UBL3: variants seen among roughly 807,000 people sequenced by gnomAD.
UBL3 encodes ubiquitin-like protein 3.
In UBL3, 6 loss-of-function variants were observed where a neutral mutation model predicts 18.4. The ratio of observed to expected loss-of-function variants is 0.33; its 90% CI spans 0.18 to 0.64. The LOEUF (loss-of-function observed/expected upper bound fraction) is 0.64. Among genes scored for constraint, UBL3 ranks in the 30% least tolerant of loss-of-function variants. The pLI, the probability that UBL3 is intolerant of heterozygous loss-of-function variation, is 0.76. For synonymous variants in UBL3, 49 were observed against 46.6 expected (o/e 1.05, Z -0.21); for missense variants, 109 against 142.9 (o/e 0.76, Z 1.21).
chr13:29,824,173 T>C (rs1237531733), intron 1 of UBL3, among the ~76,000 whole-genome samples: 1 of 152,212 alleles, frequency 6.6e-6, no homozygotes, highest in Non-Finnish European at 1.5e-5. Flanking sequence ...AACATACATG[T>C]GCATGTGTCT....
intron 1 of UBL3, among the ~76,000 whole-genome samples, chr13:29,824,218 T>C (rs1453025475): frequency 4.6e-5 from 7 of 152,236 alleles, no homozygotes; most frequent in Admixed American, 6.5e-5. Flanking sequence ...TTTGGGTATA[T>C]ACCCAGTAAT....
rs116669336 is a variant in UBL3 at position 29,818,201 on chromosome 13, C to T, written c.27+31311G>A. Among the ~76,000 whole-genome samples the T allele has an allele frequency of 4.9e-3, 745 of 152,270 alleles. 9 individuals are homozygous for T. The highest frequency in any genetic ancestry group is 0.017 in the African/African-American group (703 of 41,550). The stretch of plus-strand genomic sequence containing the variant: ...CTAAAAATAAGAAAACAGTCATACT[C>T]TAACATTCACATATACTCACAGGCT... On this transcript the variant is annotated intron_variant, in intron 1 of 4. Transcript: ENST00000380680.
intron 1 of UBL3, among the ~76,000 whole-genome samples, chr13:29,828,229 T>C (rs1878675757): frequency 6.6e-6 from 1 of 152,240 alleles, no homozygotes; most frequent in African/African-American, 2.4e-5. Flanking sequence ...TTGGCCTGCA[T>C]TGCTAGGTTG....
intron 1 of UBL3, among the ~76,000 whole-genome samples, chr13:29,820,791 T>C (rs1878415616): frequency 6.6e-6 from 1 of 152,216 alleles, no homozygotes; most frequent in Non-Finnish European, 1.5e-5. Context: ...TTTGCTATTA[T>C]TTGTTAAATG....
intron 1 of UBL3, among the ~76,000 whole-genome samples, chr13:29,794,390 A>G (rs1877557312): frequency 6.6e-6 from 1 of 152,062 alleles, no homozygotes; most frequent in African/African-American, 2.4e-5. Context: ...ACCTATATGC[A>G]TGTTGACCTT....
intron 1 of UBL3, among the ~76,000 whole-genome samples, chr13:29,798,060 G>A (rs942157644): frequency 4.7e-5 from 7 of 149,944 alleles, no homozygotes; most frequent in Non-Finnish European, 7.4e-5. Flanking sequence ...GTCTTGCTCT[G>A]TTGTGCCCAG....
chr13:29,834,410 T>C (rs1338421616), intron 1 of UBL3, among the ~76,000 whole-genome samples: 2 of 151,986 alleles, frequency 1.3e-5, no homozygotes, highest in African/African-American at 2.4e-5. Flanking sequence ...AGTCTTTCTC[T>C]TTACAGTCAC....
At chr13:29,840,239 C>T (rs1879064360) in intron 1 of UBL3, among the ~76,000 whole-genome samples, 1 of 152,084 alleles carries the variant, frequency 6.6e-6, no homozygotes, top group African/African-American at 2.4e-5. Context: ...TTAAGCTGAA[C>T]TGGAAAATTC....
chr13:29,787,824 AC>A (rs1877363520), intron 1 of UBL3, among the ~76,000 whole-genome samples: 1 of 152,188 alleles, frequency 6.6e-6, no homozygotes, highest in Non-Finnish European at 1.5e-5. Context: ...TGTTTCTGTC[AC>A]CCAAATGCTG....
chr13:29,831,886 T>C (rs1878784889), intron 1 of UBL3, among the ~76,000 whole-genome samples: 1 of 152,034 alleles, frequency 6.6e-6, no homozygotes, highest in South Asian at 2.1e-4. Flanking sequence ...ACCATACAAG[T>C]GCACTGTCCA....
At chr13:29,791,060 T>C (rs918181983) in intron 1 of UBL3, among the ~76,000 whole-genome samples, 1 of 152,174 alleles carries the variant, frequency 6.6e-6, no homozygotes, top group Non-Finnish European at 1.5e-5. Flanking sequence ...TCAAATTTGA[T>C]ATGTTTAAAA....
At chr13:29,828,006 C>T (rs937251604) in intron 1 of UBL3, among the ~76,000 whole-genome samples, 6 of 152,256 alleles carry the variant, frequency 3.9e-5, no homozygotes, top group African/African-American at 1.4e-4. Flanking sequence ...TGAATATTGG[C>T]CCCCACTCTC....
intron 1 of UBL3, among the ~76,000 whole-genome samples, chr13:29,798,790 T>C (rs1007186386): frequency 6.6e-6 from 1 of 152,156 alleles, no homozygotes; most frequent in Admixed American, 6.5e-5. Flanking sequence ...TATAGATGCG[T>C]TTAAGTACTC....
intron 1 of UBL3, among the ~76,000 whole-genome samples, chr13:29,788,305 T>C (rs1329630147): frequency 6.6e-6 from 1 of 152,232 alleles, no homozygotes; most frequent in Non-Finnish European, 1.5e-5. Context: ...CTACTTATTC[T>C]ATGCTATTAT....
chr13:29,783,372 G>T (rs944469094), intron 1 of UBL3, among the ~76,000 whole-genome samples: 53 of 152,070 alleles, frequency 3.5e-4, no homozygotes, highest in African/African-American at 1.3e-3. Flanking sequence ...GTCTTAATTG[G>T]GCCTATGCTT....
At chr13:29,837,085 C>T (rs2139365003) in intron 1 of UBL3, among the ~76,000 whole-genome samples, 1 of 152,294 alleles carries the variant, frequency 6.6e-6, no homozygotes, top group Admixed American at 6.5e-5. Flanking sequence ...TCAAAGTAAT[C>T]AATGTTTTTC....
At chr13:29,813,266 T>C (rs1277805883) in intron 1 of UBL3, among the ~76,000 whole-genome samples, 1 of 152,070 alleles carries the variant, frequency 6.6e-6, no homozygotes, top group Non-Finnish European at 1.5e-5. Flanking sequence ...AGTAATTGCA[T>C]AGAACGTCAG....
At chr13:29,836,049 T>C (rs111978930) in intron 1 of UBL3, among the ~76,000 whole-genome samples, 2,002 of 152,174 alleles carry the variant, frequency 0.013, 41 homozygotes, top group African/African-American at 0.044. Context: ...TGAATCAAAG[T>C]AGAAGGATTA....
At chr13:29,820,248 C>T (rs1215404472) in intron 1 of UBL3, among the ~76,000 whole-genome samples, 1 of 145,032 alleles carries the variant, frequency 6.9e-6, no homozygotes, top group Non-Finnish European at 1.5e-5. Flanking sequence ...TCGATCTCGG[C>T]TCACTGCAAC....
Sources: gnomAD v4.1 joint callset for allele counts (sites outside exome capture counted in the v4.1 genomes callset) on GRCh38, gnomAD v4.1.1 for gene constraint, MANE v1.5 for transcripts, NCBI Gene and HGNC (gene_info 2026-07-23, HGNC 2026-07-21) for gene names.